The following SLC48A1 variants were observed in gnomAD, a reference collection of about 807,000 sequenced individuals.
SLC48A1 encodes solute carrier family 48 member 1.
SLC48A1 carries 6 observed loss-of-function variants against 14.8 expected under a neutral mutation model. The ratio of observed to expected loss-of-function variants is 0.41; its 90% CI spans 0.22 to 0.80. The LOEUF is 0.80. SLC48A1 is among the 30% of genes least tolerant of loss of function. The probability of loss-of-function intolerance (pLI) is 0.34; values close to 1 mark genes in which losing one functional copy is unlikely to be tolerated. For missense variants in SLC48A1, 165 were observed against 204.8 expected (o/e 0.81, Z 1.19); for synonymous variants, 89 against 90.0 (o/e 0.99, Z 0.06).
rs1207362820 is a variant in SLC48A1, at chr12:47,781,008, T to C, written c.*727T>C. On this transcript the variant is annotated 3_prime_UTR_variant, in exon 3 of 3. Transcript: ENST00000442218. ...TCCATCCCCGCTGCCCTAGGCACTC[T>C]CTTCCCAAGGCCAGGTTGGGCACCT... is the stretch of plus-strand genomic sequence containing the variant. The C allele has an allele frequency of 1.9e-5, 9 of 473,896 alleles. No homozygotes were observed. The highest frequency in any genetic ancestry group is 1.7e-5 in the Non-Finnish European group (4 of 234,436). 29.4% of individuals were successfully genotyped at this position (473,896 alleles called of 1,614,324 possible). A position where few individuals can be genotyped will look rare whatever the true frequency, so the allele number is the denominator to read the frequency against.
intron 2 of SLC48A1, among the ~76,000 whole-genome samples, chr12:47,760,853 A>G (rs1942360716): frequency 6.6e-6 from 1 of 152,180 alleles, no homozygotes; most frequent in Admixed American, 6.5e-5. Context: ...CTCTGTATGT[A>G]TTCTATTCTT....
At chr12:47,757,381 G>A (rs1422746273), upstream of SLC48A1, among the ~76,000 whole-genome samples, 2 of 152,086 alleles carry the variant, frequency 1.3e-5, no homozygotes, top group Non-Finnish European at 2.9e-5. Flanking sequence ...CCAAAGGCAG[G>A]TACCAAGCAG....
chr12:47,765,950 C>A (rs983729760), intron 2 of SLC48A1, among the ~76,000 whole-genome samples: 13 of 152,096 alleles, frequency 8.5e-5, no homozygotes, highest in African/African-American at 2.9e-4. Context: ...TCTTTCCCTC[C>A]TGGGGCCTGT....
At chr12:47,765,571 G>A (rs1183923478) in intron 2 of SLC48A1, among the ~76,000 whole-genome samples, 1 of 152,046 alleles carries the variant, frequency 6.6e-6, no homozygotes, top group Non-Finnish European at 1.5e-5. Flanking sequence ...GGTGCCTGCT[G>A]GGCCCTGGGG....
chr12:47,762,793 C>T (rs920165945), intron 2 of SLC48A1, among the ~76,000 whole-genome samples: 2 of 152,158 alleles, frequency 1.3e-5, no homozygotes, highest in African/African-American at 2.4e-5. Flanking sequence ...CCTCCTGCCC[C>T]GATTGCTACT....
At chr12:47,768,325 A>G (rs768541231), upstream of SLC48A1, among the ~76,000 whole-genome samples, 2 of 152,042 alleles carry the variant, frequency 1.3e-5, no homozygotes, top group Non-Finnish European at 2.9e-5. Context: ...TGGAGAGAGG[A>G]TTAGAGGGGG....
intron 1 of SLC48A1, among the ~76,000 whole-genome samples, 159 bp downstream of exon 1, chr12:47,773,599 C>T (rs1286203647): frequency 2.0e-5 from 3 of 150,454 alleles, no homozygotes; most frequent in African/African-American, 7.4e-5. Context: ...CACGCGGGCC[C>T]GGGCTCCTGG....
intron 1 of SLC48A1, among the ~76,000 whole-genome samples, chr12:47,778,108 A>G (rs1942789496): frequency 6.6e-6 from 1 of 152,150 alleles, no homozygotes; most frequent in Non-Finnish European, 1.5e-5. Flanking sequence ...ACCCTTGCCA[A>G]TGGAGTTGAT....
upstream of SLC48A1, chr12:47,771,092 C>T (rs1183175179): frequency 1.2e-5 from 4 of 325,044 alleles, no homozygotes; most frequent in Non-Finnish European, 2.5e-5. Flanking sequence ...AAAATACACA[C>T]TCCAAGATTC....
chr12:47,757,895 G>A (rs1383540057), upstream of SLC48A1: 11 of 1,556,288 alleles, frequency 7.1e-6, no homozygotes, highest in African/African-American at 1.4e-5. Context: ...CAGCTCGGAC[G>A]CTGGTGCTCC....
chr12:47,781,235 A>G lies in SLC48A1; in HGVS notation c.*954A>G. On this transcript the variant is annotated 3_prime_UTR_variant, in exon 3 of 3. Transcript: ENST00000442218. ...GAGGCCAGACTCAGGGTCACGGGGAATGTGCTTCTGCCCCTGTAAGGGCTT... is the reference window on the plus strand; with the variant it reads ...GAGGCCAGACTCAGGGTCACGGGGAGTGTGCTTCTGCCCCTGTAAGGGCTT... 9.2e-6 allele frequency: 2 copies of G among 217,240 alleles called. No individual in the cohort carries two copies. The highest frequency in any genetic ancestry group is 1.9e-5 in the Non-Finnish European group (2 of 105,894). 13.5% of individuals were successfully genotyped at this position (217,240 alleles called of 1,614,324 possible).
At chr12:47,758,184 G>T, upstream of SLC48A1, 1 of 1,455,976 alleles carries the variant, frequency 6.9e-7, no homozygotes. Flanking sequence ...CCTCTGGACT[G>T]GTCAGGCGGA....
upstream of SLC48A1, among the ~76,000 whole-genome samples, chr12:47,767,759 G>T (rs1421865487): frequency 6.6e-6 from 1 of 152,196 alleles, no homozygotes; most frequent in Non-Finnish European, 1.5e-5. Flanking sequence ...TCAGAGAAGA[G>T]CTTTCCGGGC....
At chr12:47,770,793 C>T (rs1219656569), upstream of SLC48A1, 3 of 456,532 alleles carry the variant, frequency 6.6e-6, no homozygotes, top group Non-Finnish European at 1.3e-5. Flanking sequence ...TGTTCAGAAC[C>T]TTTCTAATCT....
intron 2 of SLC48A1, among the ~76,000 whole-genome samples, chr12:47,779,850 G>A (rs1022147134): frequency 6.6e-6 from 1 of 152,232 alleles, no homozygotes; most frequent in African/African-American, 2.4e-5. Flanking sequence ...CGCATGCGAG[G>A]GTTGCGTGCC....
chr12:47,773,521 C>A, intron 1 of SLC48A1, 81 bp downstream of exon 1: 1 of 1,240,132 alleles, frequency 8.1e-7, no homozygotes. Context: ...ACGCTCCCCG[C>A]GAGCGGCGCT....
chr12:47,779,705 G>A (rs532112994), intron 2 of SLC48A1, among the ~76,000 whole-genome samples: 15 of 152,278 alleles, frequency 9.9e-5, no homozygotes, highest in Admixed American at 3.3e-4. Context: ...GTTCCAGGCT[G>A]TGGAACAGTA....
In SLC48A1 at chr12:47,780,668, G is replaced by A; in HGVS notation, c.*387G>A. 2.4e-6 allele frequency: 1 copy of A among 408,330 alleles called. No individual in the cohort carries two copies. The highest frequency in any genetic ancestry group is 4.8e-6 in the Non-Finnish European group (1 of 209,510). 25.3% of individuals were successfully genotyped at this position (408,330 alleles called of 1,614,324 possible). On this transcript the variant is annotated 3_prime_UTR_variant, in exon 3 of 3. Coordinates refer to ENST00000442218, the MANE Select transcript of SLC48A1 (RefSeq NM_017842.3). ...TGCAACCTCCGCCTCCCAGGTTCAAGCAATTCTCCTGCCTTGGCCTCTCAA... is the reference window on the plus strand; with the variant it reads ...TGCAACCTCCGCCTCCCAGGTTCAAACAATTCTCCTGCCTTGGCCTCTCAA...
chr12:47,771,932 CAA>C (rs372095423), upstream of SLC48A1, among the ~76,000 whole-genome samples: 19 of 125,072 alleles, frequency 1.5e-4, no homozygotes, highest in South Asian at 2.6e-4. Context: ...GACTCCGTCT[CAA>C]AAAAAAAAAA....
Sources: allele counts gnomAD v4.1 joint callset (sites outside exome capture counted in the v4.1 genomes callset), GRCh38; gene constraint gnomAD v4.1.1; transcripts MANE v1.5; gene names NCBI Gene and HGNC (gene_info 2026-07-23, HGNC 2026-07-21).